The following GRHL2 variants were observed in gnomAD, a reference collection of about 807,000 sequenced individuals.
The protein encoded by GRHL2 is grainyhead like transcription factor 2.
A neutral mutation model predicts 83.8 loss-of-function variants in GRHL2; 21 were observed. The observed-to-expected ratio is 0.25, with a 90% CI of 0.18 to 0.36. The LOEUF is 0.36. Among genes scored for constraint, GRHL2 ranks in the 10% least tolerant of loss-of-function variants. GRHL2 has a pLI of 1.00. For synonymous variants in GRHL2, 280 were observed against 278.9 expected, an observed-to-expected ratio of 1.00 and a Z score of -0.04; for missense variants, 623 against 781.8, an observed-to-expected ratio of 0.80 and a Z score of 2.42.
intron 8 of GRHL2, among the ~76,000 whole-genome samples, chr8:101,617,666 G>T (rs11985705): frequency 1.3e-5 from 2 of 152,016 alleles, no homozygotes; most frequent in Non-Finnish European, 2.9e-5. Flanking sequence ...CACCACACTC[G>T]GCTAATTTTT....
chr8:101,556,940 C>T (rs755272877), intron 3 of GRHL2, among the ~76,000 whole-genome samples: 44 of 152,020 alleles, frequency 2.9e-4, no homozygotes, highest in East Asian at 5.8e-4. Context: ...TTTTCAAACA[C>T]GTACAGAAGT....
At position 101,640,666 on chromosome 8, in the gene GRHL2, C is replaced by T. The variant is rs551910667; in HGVS notation, c.1518-3465C>T. On this transcript the variant is annotated intron_variant, in intron 12 of 15. Transcript: ENST00000646743. ...CTGATCCTCTGTCCCCAGTGGGCCCCGCTGAGGTCCTCTTTTTCCAGCTTG... is the reference window on the plus strand; with the variant it reads ...CTGATCCTCTGTCCCCAGTGGGCCCTGCTGAGGTCCTCTTTTTCCAGCTTG... Among the ~76,000 whole-genome samples, 10 of 152,294 alleles carry T rather than the reference C, an allele frequency of 6.6e-5. No homozygotes were observed. The South Asian group carries it at 1.2e-3, about 19-fold the overall frequency.
chr8:101,499,903 C>G (rs150922056), intron 1 of GRHL2, among the ~76,000 whole-genome samples: 1 of 152,038 alleles, frequency 6.6e-6, no homozygotes, highest in South Asian at 2.1e-4. Context: ...TGGTGAAACC[C>G]CGTCTTTAGT....
intron 1 of GRHL2, among the ~76,000 whole-genome samples, chr8:101,499,491 C>T (rs1810179457): frequency 6.6e-6 from 1 of 152,000 alleles, no homozygotes; most frequent in Admixed American, 6.6e-5. Flanking sequence ...AGCTTCTGCG[C>T]ATAGAGATAA....
rs113026232 is a variant in GRHL2, at chr8:101,602,975, G to A, written c.1098+3824G>A. Among the ~76,000 whole-genome samples the A allele has an allele frequency of 2.6e-3, 398 of 152,314 alleles. 4 individuals carry two copies. Among genetic ancestry groups the A allele is most frequent in the Non-Finnish European group, 4.3e-3 (292 of 68,024 alleles). On this transcript the variant is annotated intron_variant, in intron 8 of 15. Coordinates refer to ENST00000646743, the MANE Select transcript of GRHL2 (RefSeq NM_024915.4). The stretch of plus-strand genomic sequence containing the variant: ...TCCTCATGGGGCTGCAGTGGCAGCA[G>A]GCCAGACACTGATTTGTGTCCCCAC...
At chr8:101,561,916 T>C (rs774869293) in intron 4 of GRHL2, 55 of 502,662 alleles carry the variant, frequency 1.1e-4, no homozygotes, top group Non-Finnish European at 1.7e-4. Context: ...TAAGTGACCT[T>C]ATGTAAAAAA....
chr8:101,492,641 G>A lies in GRHL2; in HGVS notation c.-129G>A. 1 of 812,238 alleles carries A rather than the reference G, an allele frequency of 1.2e-6. No homozygotes were observed. The highest frequency in any genetic ancestry group is 2.4e-5 in the East Asian group (1 of 41,192). 50.3% of individuals were successfully genotyped at this position (812,238 alleles called of 1,614,324 possible). ...AGTGGTGAGGGGGGACGGAAAAGCA[G>A]AATTACCTGTAGCTCTTGTTCTGCC... On this transcript the variant is annotated 5_prime_UTR_variant, in exon 1 of 16. Coordinates refer to ENST00000646743, the MANE Select transcript of GRHL2 (RefSeq NM_024915.4).
chr8:101,502,231 T>G (rs554948522), intron 1 of GRHL2, among the ~76,000 whole-genome samples: 2 of 152,316 alleles, frequency 1.3e-5, no homozygotes, highest in South Asian at 4.1e-4. Flanking sequence ...AACTAAATGA[T>G]CTCCGTGAAT....
chr8:101,563,511 T>C (rs1474266099), intron 4 of GRHL2, among the ~76,000 whole-genome samples: 4 of 152,100 alleles, frequency 2.6e-5, no homozygotes, highest in African/African-American at 9.7e-5. Flanking sequence ...CATTTCTGAG[T>C]GCCTGCTGTA....
intron 9 of GRHL2, among the ~76,000 whole-genome samples, chr8:101,620,969 G>GA (rs527700716): frequency 2.7e-5 from 4 of 150,054 alleles, no homozygotes; most frequent in Admixed American, 6.7e-5. Flanking sequence ...AAGCTGAGTT[G>GA]AAAAAAAAAG....
At chr8:101,506,191 T>C (rs1363091646) in intron 1 of GRHL2, among the ~76,000 whole-genome samples, 2 of 152,264 alleles carry the variant, frequency 1.3e-5, no homozygotes, top group African/African-American at 4.8e-5. Flanking sequence ...GGCTGACTTT[T>C]ATTGCAACTG....
At chr8:101,590,145 A>G (rs543898338) in intron 7 of GRHL2, among the ~76,000 whole-genome samples, 121 of 152,290 alleles carry the variant, frequency 7.9e-4, no homozygotes, top group Non-Finnish European at 1.3e-3. Context: ...TATTTCAATG[A>G]TGGAAATACT....
chr8:101,580,236 A>G (rs564569712), intron 7 of GRHL2, among the ~76,000 whole-genome samples: 5 of 152,214 alleles, frequency 3.3e-5, no homozygotes, highest in South Asian at 2.1e-4. Context: ...CAGGCATACA[A>G]TATGCAATGA....
At chr8:101,661,628 T>TAATA (rs1273231889) in intron 14 of GRHL2, among the ~76,000 whole-genome samples, 1 of 152,240 alleles carries the variant, frequency 6.6e-6, no homozygotes, top group Non-Finnish European at 1.5e-5. Flanking sequence ...TCATTTTTTC[T>TAATA]AATATTTTCA....
intron 2 of GRHL2, among the ~76,000 whole-genome samples, chr8:101,551,853 T>C (rs80273592): frequency 3.3e-5 from 5 of 151,040 alleles, no homozygotes; most frequent in Non-Finnish European, 7.4e-5. Flanking sequence ...TTTTTTTTTT[T>C]GAGACTGAGT....
chr8:101,545,965 T>G (rs1811257076), intron 2 of GRHL2, among the ~76,000 whole-genome samples: 1 of 128,938 alleles, frequency 7.8e-6, no homozygotes, highest in African/African-American at 2.9e-5. Context: ...CACTGCAACC[T>G]CCACCTCCCG....
intron 8 of GRHL2, among the ~76,000 whole-genome samples, chr8:101,617,783 G>A (rs1292648451): frequency 6.6e-6 from 1 of 152,186 alleles, no homozygotes; most frequent in Non-Finnish European, 1.5e-5. Context: ...GGGATTACAG[G>A]CATGAGCCAC....
chr8:101,609,671 C>T (rs1328428314), intron 8 of GRHL2, among the ~76,000 whole-genome samples: 3 of 150,726 alleles, frequency 2.0e-5, no homozygotes, highest in East Asian at 1.9e-4. Flanking sequence ...AAGCGATCTT[C>T]GGACTTTATT....
chr8:101,526,501 G>C, intron 1 of GRHL2, among the ~76,000 whole-genome samples: 1 of 138,742 alleles, frequency 7.2e-6, no homozygotes, highest in African/African-American at 2.7e-5. Context: ...GTGGATGCAA[G>C]TTTCCAAAAA....
Sources: gnomAD v4.1 joint callset for allele counts (sites outside exome capture counted in the v4.1 genomes callset) on GRCh38, gnomAD v4.1.1 for gene constraint, MANE v1.5 for transcripts, NCBI Gene and HGNC (gene_info 2026-07-23, HGNC 2026-07-21) for gene names.